CFAP161: variants seen among roughly 807,000 people sequenced by gnomAD.
CFAP161 encodes cilia and flagella associated protein 161.
CFAP161 carries 25 observed loss-of-function variants against 29.0 expected under a neutral mutation model. The observed-to-expected ratio is 0.86, with a 90% CI of 0.63 to 1.20. The LOEUF (loss-of-function observed/expected upper bound fraction) is 1.20, where lower values mean the gene tolerates loss of function less well. Ranked by LOEUF, CFAP161 falls within the 50% of genes most tolerant of loss-of-function variation. The probability of loss-of-function intolerance (pLI) is 0.00; values close to 1 mark genes in which losing one functional copy is unlikely to be tolerated. For missense variants in CFAP161, 367 were observed against 371.9 expected, an observed-to-expected ratio of 0.99 and a Z score of 0.11; for synonymous variants, 116 against 137.4, an observed-to-expected ratio of 0.84 and a Z score of 1.09.
intron 1 of CFAP161, among the ~76,000 whole-genome samples, chr15:81,105,092 C>CCCTCCCTCCCTCCCTCCCTCCGTCCCTT (rs201054044): frequency 3.7e-5 from 2 of 53,452 alleles, no homozygotes; most frequent in Non-Finnish European, 7.3e-5. Flanking sequence ...CTTTTCTTTT[C>CCCTCCCTCCCTCCCTCCCTCCGTCCCTT]CCTCCCTCCC....
intron 6 of CFAP161, 48 bp from the exon 7 acceptor site, chr15:81,148,288 TGA>T: frequency 6.7e-7 from 1 of 1,490,806 alleles, no homozygotes; most frequent in East Asian, 2.3e-5. Context: ...AACAGCTTAT[TGA>T]GAGTTGTTAT....
chr15:81,110,245 T>C (rs886687134), intron 1 of CFAP161, among the ~76,000 whole-genome samples: 5 of 152,206 alleles, frequency 3.3e-5, no homozygotes, highest in African/African-American at 1.2e-4. Flanking sequence ...CTTGCTTTTG[T>C]TTAAAAGAAG....
chr15:81,110,773 G>A (rs570442128), intron 1 of CFAP161, among the ~76,000 whole-genome samples: 1 of 152,292 alleles, frequency 6.6e-6, no homozygotes, highest in Admixed American at 6.5e-5. Context: ...ATGATCAAGG[G>A]CACTAAAAAG....
intron 1 of CFAP161, among the ~76,000 whole-genome samples, chr15:81,100,004 G>A (rs1894284075): frequency 6.6e-6 from 1 of 151,856 alleles, no homozygotes; most frequent in Non-Finnish European, 1.5e-5. Flanking sequence ...AGATGCATGA[G>A]TATTAAAGTA....
At chr15:81,147,354 G>A (rs1378769366) in intron 5 of CFAP161, among the ~76,000 whole-genome samples, 1 of 151,902 alleles carries the variant, frequency 6.6e-6, no homozygotes, top group East Asian at 1.9e-4. Flanking sequence ...AAAAAGCATG[G>A]ACCACCGATT....
intron 4 of CFAP161, among the ~76,000 whole-genome samples, chr15:81,140,583 G>A (rs891462220): frequency 8.6e-5 from 13 of 150,390 alleles, no homozygotes; most frequent in Admixed American, 6.6e-4. Context: ...TTTTGAGACA[G>A]GGTCTCACTC....
intron 1 of CFAP161, chr15:81,127,496 AC>A (rs1206576397): frequency 2.6e-5 from 4 of 152,224 alleles, no homozygotes; most frequent in Admixed American, 6.5e-5. Flanking sequence ...CTGGAAAAAA[AC>A]ATTTGTATTT....
At chr15:81,126,657 A>G (rs1198849902) in intron 1 of CFAP161, among the ~76,000 whole-genome samples, 1 of 152,168 alleles carries the variant, frequency 6.6e-6, no homozygotes. Context: ...TGAGAGCCTA[A>G]TTTTTATAAA....
chr15:81,133,003 A>G (rs1894732008), upstream of CFAP161, among the ~76,000 whole-genome samples: 1 of 151,624 alleles, frequency 6.6e-6, no homozygotes, highest in Non-Finnish European at 1.5e-5. Flanking sequence ...TGGTGGATTC[A>G]TCAGAATGTG....
At chr15:81,109,510 C>T (rs1894415279) in intron 1 of CFAP161, among the ~76,000 whole-genome samples, 1 of 152,122 alleles carries the variant, frequency 6.6e-6, no homozygotes, top group East Asian at 1.9e-4. Flanking sequence ...TGTGCTCCAG[C>T]CTGGGCAACA....
chr15:81,126,853 G>T (rs1894647655), intron 1 of CFAP161, among the ~76,000 whole-genome samples: 1 of 152,158 alleles, frequency 6.6e-6, no homozygotes, highest in African/African-American at 2.4e-5. Context: ...AAAAATCTTT[G>T]CTTGAATGCC....
chr15:81,144,591 G>A (rs1022766254), intron 5 of CFAP161, among the ~76,000 whole-genome samples: 2 of 151,844 alleles, frequency 1.3e-5, no homozygotes, highest in Non-Finnish European at 2.9e-5. Context: ...GTGAGACTCT[G>A]TCTCAAAATA....
At chr15:81,120,644 G>A (rs779382870) in intron 1 of CFAP161, among the ~76,000 whole-genome samples, 1 of 152,178 alleles carries the variant, frequency 6.6e-6, no homozygotes, top group Non-Finnish European at 1.5e-5. Flanking sequence ...AAAGGTTGAA[G>A]GAGAGAGTTA....
chr15:81,107,516 G>A (rs933650294), intron 1 of CFAP161, among the ~76,000 whole-genome samples: 2 of 152,058 alleles, frequency 1.3e-5, no homozygotes, highest in African/African-American at 2.4e-5. Context: ...ACCTGAGGTC[G>A]GGACTTTGAG....
chr15:81,120,092 T>TA (rs1311072906), intron 1 of CFAP161, among the ~76,000 whole-genome samples: 1 of 152,128 alleles, frequency 6.6e-6, no homozygotes, highest in Non-Finnish European at 1.5e-5. Context: ...TCATAAAATG[T>TA]AAAAAATATA....
intron 1 of CFAP161, among the ~76,000 whole-genome samples, chr15:81,100,705 T>TC (rs200980420): frequency 3.9e-4 from 12 of 30,890 alleles, no homozygotes; most frequent in Non-Finnish European, 9.3e-4. Context: ...TCTCTCTCTC[T>TC]TTTTTTTTTT....
intron 5 of CFAP161, among the ~76,000 whole-genome samples, chr15:81,146,104 T>A (rs1014366294): frequency 2.6e-5 from 4 of 152,114 alleles, no homozygotes; most frequent in African/African-American, 9.7e-5. Flanking sequence ...GATTATAGAG[T>A]GCTCTTGTTT....
Position 81,101,105 on chromosome 15 carries a change from A to G in CFAP161, c.-141-26485A>G, listed in dbSNP as rs529595511. Among the ~76,000 whole-genome samples the G allele has an allele frequency of 5.9e-5, 9 of 152,292 alleles. No homozygotes were observed. The South Asian group carries it at 1.9e-3, about 32-fold the overall frequency. On this transcript the variant is annotated intron_variant, in intron 1 of 4. Transcript: ENST00000560091. Reference sequence around the variant, plus strand: ...TGATCAATCCAGCCTTCCTTCTGTGAATGGGTCCTGGCAAGGTTGGCAATG... The same window carrying G: ...TGATCAATCCAGCCTTCCTTCTGTGGATGGGTCCTGGCAAGGTTGGCAATG...
chr15:81,118,062 C>T, intron 1 of CFAP161: 1 of 512,002 alleles, frequency 2.0e-6, no homozygotes, highest in East Asian at 4.8e-5. Context: ...GACATTCCAA[C>T]TTTTTCAAAG....
Sources: allele counts gnomAD v4.1 joint callset (sites outside exome capture counted in the v4.1 genomes callset), GRCh38; gene constraint gnomAD v4.1.1; transcripts MANE v1.5; gene names NCBI Gene and HGNC (gene_info 2026-07-23, HGNC 2026-07-21).